The following TNIK variants were observed in gnomAD, a reference collection of about 807,000 sequenced individuals.
TNIK encodes TRAF2 and NCK interacting kinase.
Under a neutral mutation model 191.3 loss-of-function variants are expected in TNIK, and 49 were observed. The observed-to-expected ratio is 0.26, with a 90% CI of 0.20 to 0.32. The LOEUF is 0.32. Ranked by LOEUF, TNIK falls within the 10% of genes least tolerant of loss-of-function variation. The pLI, the probability that TNIK is intolerant of heterozygous loss-of-function variation, is 1.00. For synonymous variants in TNIK, 594 were observed against 600.9 expected, an observed-to-expected ratio of 0.99 and a Z score of 0.17; for missense variants, 1,155 against 1,702.3, an observed-to-expected ratio of 0.68 and a Z score of 5.66.
Position 171,139,489 on chromosome 3 carries a change from T to C in TNIK, c.1400A>G (p.His467Arg), listed in dbSNP as rs774132453. 1.2e-6 allele frequency: 2 copies of C among 1,613,256 alleles called. No individual in the cohort carries two copies. Among genetic ancestry groups the C allele is most frequent in the African/African-American group, 1.3e-5 (1 of 74,884 alleles). Residue 467 changes from histidine to arginine, a missense_variant, in exon 14 of 33, where the codon CAT (histidine) becomes CGT (arginine). Transcript: ENST00000436636. ...QLEILQQQLLHEQALLLEYKR... is the reference protein window; with the variant it reads ...QLEILQQQLLREQALLLEYKR... ...CATTACCAGAAGTAGAGCTTGTTCA[T>C]GCAGTAGCTGCTGCTGCAAGATCTC...
intron 12 of TNIK, among the ~76,000 whole-genome samples, chr3:171,152,493 C>A (rs1367932584): frequency 6.6e-6 from 1 of 152,028 alleles, no homozygotes; most frequent in Non-Finnish European, 1.5e-5. Context: ...CTTTTATATC[C>A]ATTTTTCTGG....
intron 2 of TNIK, among the ~76,000 whole-genome samples, chr3:171,236,141 G>A (rs1744238281): frequency 7.4e-6 from 1 of 135,400 alleles, no homozygotes; most frequent in Admixed American, 7.5e-5. Flanking sequence ...CTTGTAAAGG[G>A]TAGGTGCCAA....
intron 2 of TNIK, among the ~76,000 whole-genome samples, chr3:171,263,195 C>A (rs1310594555): frequency 6.6e-6 from 1 of 152,120 alleles, no homozygotes; most frequent in East Asian, 1.9e-4. Context: ...CACCAAGGCA[C>A]CTTTTAGTGC....
chr3:171,261,182 C>T (rs1747559421), intron 2 of TNIK, among the ~76,000 whole-genome samples: 1 of 152,228 alleles, frequency 6.6e-6, no homozygotes, highest in Admixed American at 6.5e-5. Context: ...TACAAGGCTA[C>T]TCTCTTGCCC....
intron 1 of TNIK, among the ~76,000 whole-genome samples, chr3:171,459,675 T>TACACACACACACACACACAC (rs58614773): frequency 4.0e-4 from 59 of 146,334 alleles, no homozygotes; most frequent in African/African-American, 9.4e-4. Context: ...CCGGGGCGTG[T>TACACACACACACACACACAC]ACACACACAC....
chr3:171,430,631 T>G (rs1429250921), intron 1 of TNIK, among the ~76,000 whole-genome samples: 1 of 137,132 alleles, frequency 7.3e-6, no homozygotes, highest in African/African-American at 2.7e-5. Context: ...AGTGACACCT[T>G]GTCTCAAAAA....
At chr3:171,319,935 G>A (rs1011436668) in intron 2 of TNIK, among the ~76,000 whole-genome samples, 1 of 152,156 alleles carries the variant, frequency 6.6e-6, no homozygotes, top group Non-Finnish European at 1.5e-5. Flanking sequence ...CTGAAATTTA[G>A]AGCATCAGCC....
chr3:171,140,552 G>A (rs540634843), intron 12 of TNIK, 43 bp from the exon 13 acceptor site: 148 of 1,583,336 alleles, frequency 9.3e-5, no homozygotes, highest in South Asian at 6.0e-4. Flanking sequence ...AACAGGCCCC[G>A]GTGGGGGGTG....
At chr3:171,077,364 C>G (rs78089507) in intron 28 of TNIK, among the ~76,000 whole-genome samples, 2,973 of 152,216 alleles carry the variant, frequency 0.02, 102 homozygotes, top group African/African-American at 0.069. Context: ...TTTGGTGGAA[C>G]ACATCCTTCA....
chr3:171,341,202 G>A (rs1277796602), intron 2 of TNIK, among the ~76,000 whole-genome samples: 2 of 152,120 alleles, frequency 1.3e-5, no homozygotes, highest in African/African-American at 4.8e-5. Flanking sequence ...GCCGGGCACA[G>A]TGACTCATGC....
intron 1 of TNIK, among the ~76,000 whole-genome samples, chr3:171,372,434 G>GA (rs1716633693): frequency 6.6e-6 from 1 of 152,334 alleles, no homozygotes; most frequent in African/African-American, 2.4e-5. Context: ...GTTTATTGGG[G>GA]TATGCCTCAG....
chr3:171,289,914 A>AAG (rs1384048651), intron 2 of TNIK, among the ~76,000 whole-genome samples: 1 of 151,964 alleles, frequency 6.6e-6, no homozygotes, highest in African/African-American at 2.4e-5. Context: ...AAAAAAAAAA[A>AAG]AAAAAAAAGT....
intron 10 of TNIK, among the ~76,000 whole-genome samples, chr3:171,165,911 C>T (rs1055632709): frequency 2.0e-5 from 3 of 152,204 alleles, no homozygotes; most frequent in African/African-American, 7.2e-5. Context: ...CTAACTTGCC[C>T]TACCTCAGCT....
At chr3:171,362,623 T>A (rs1412693290) in intron 2 of TNIK, among the ~76,000 whole-genome samples, 1 of 152,184 alleles carries the variant, frequency 6.6e-6, no homozygotes, top group Non-Finnish European at 1.5e-5. Context: ...GGTTATTGAG[T>A]GCCTACTATG....
chr3:171,240,731 T>G (rs1286238396), intron 2 of TNIK, among the ~76,000 whole-genome samples: 3 of 152,196 alleles, frequency 2.0e-5, no homozygotes, highest in Admixed American at 6.5e-5. Context: ...AATAGTCTTT[T>G]TCTGGCTGCT....
At chr3:171,253,121 CA>C (rs35251072) in intron 2 of TNIK, among the ~76,000 whole-genome samples, 195 of 140,066 alleles carry the variant, frequency 1.4e-3, no homozygotes, top group Non-Finnish European at 1.2e-3. Flanking sequence ...CTAAAGGTAC[CA>C]AAAAAAAAAA....
At chr3:171,422,714 T>C (rs1723990453) in intron 1 of TNIK, among the ~76,000 whole-genome samples, 1 of 152,210 alleles carries the variant, frequency 6.6e-6, no homozygotes, top group African/African-American at 2.4e-5. Flanking sequence ...GAGCTCATAG[T>C]CCAATAAAAC....
At chr3:171,197,344 A>G (rs190209971) in intron 4 of TNIK, among the ~76,000 whole-genome samples, 23 of 152,294 alleles carry the variant, frequency 1.5e-4, no homozygotes, top group African/African-American at 5.5e-4. Flanking sequence ...TAGATTTAGC[A>G]ATGGCTTCTT....
chr3:171,186,120 A>G (rs1011478569), intron 7 of TNIK, among the ~76,000 whole-genome samples: 6 of 152,252 alleles, frequency 3.9e-5, no homozygotes, highest in Non-Finnish European at 7.3e-5. Flanking sequence ...CACAATGGAT[A>G]GTCTATAAAT....
Sources: allele counts gnomAD v4.1 joint callset (sites outside exome capture counted in the v4.1 genomes callset), GRCh38; gene constraint gnomAD v4.1.1; transcripts MANE v1.5; gene names NCBI Gene and HGNC (gene_info 2026-07-23, HGNC 2026-07-21).